WWOX: variants seen among roughly 807,000 people sequenced by gnomAD.
WWOX encodes the protein WW domain-containing oxidoreductase.
WWOX carries 69 observed loss-of-function variants against 46.2 expected under a neutral mutation model. The ratio of observed to expected loss-of-function variants is 1.49; its 90% confidence interval spans 1.23 to 1.82. The LOEUF is 1.82. Ranked by LOEUF, WWOX falls within the 40% of genes most tolerant of loss-of-function variation. WWOX has a pLI of 0.00. For missense variants in WWOX, 919 were observed against 542.6 expected, an observed-to-expected ratio of 1.69 and a Z score of -6.89; for synonymous variants, 359 against 202.6, an observed-to-expected ratio of 1.77 and a Z score of -6.56.
At chr16:78,797,016 G>C (rs1392559027) in intron 8 of WWOX, among the ~76,000 whole-genome samples, 3 of 151,804 alleles carry the variant, frequency 2.0e-5, no homozygotes, top group Non-Finnish European at 2.9e-5. Context: ...AGTAGTGCCG[G>C]GGTTTCACCA....
intron 8 of WWOX, among the ~76,000 whole-genome samples, chr16:79,130,458 C>T (rs2049853473): frequency 6.6e-6 from 1 of 152,036 alleles, no homozygotes; most frequent in Non-Finnish European, 1.5e-5. Flanking sequence ...TACGTAAAAA[C>T]AGGGTTAGTA....
chr16:78,362,410 G>A (rs949934642), intron 5 of WWOX, among the ~76,000 whole-genome samples: 3 of 152,164 alleles, frequency 2.0e-5, no homozygotes, highest in African/African-American at 7.2e-5. Flanking sequence ...AGGAGTTCAA[G>A]ACCAGCCTCA....
chr16:79,079,411 T>A (rs147475658), intron 8 of WWOX, among the ~76,000 whole-genome samples: 2 of 152,338 alleles, frequency 1.3e-5, no homozygotes, highest in African/African-American at 4.8e-5. Context: ...CCGGTATCCA[T>A]TCATCCATCC....
At chr16:78,951,381 A>C (rs1419207348) in intron 8 of WWOX, among the ~76,000 whole-genome samples, 2 of 152,144 alleles carry the variant, frequency 1.3e-5, no homozygotes, top group Non-Finnish European at 2.9e-5. Flanking sequence ...ATTGGCCCTC[A>C]GTGGGTCACA....
At position 78,578,669 on chromosome 16, in the gene WWOX, A is replaced by T. The variant is rs535942773; in HGVS notation, c.1056+145917A>T. 1.6e-3 allele frequency among the ~76,000 whole-genome samples: 242 copies of T among 152,316 alleles called. 1 individual carries two copies. Among genetic ancestry groups the T allele is most frequent in the African/African-American group, 5.4e-3 (224 of 41,566 alleles). ...ACAGATACATAGGCAGTTGTTATGC[A>T]GTGTTTGAAATAAATTTATTGCCAG... is the stretch of plus-strand genomic sequence containing the variant. On this transcript the variant is annotated intron_variant, in intron 8 of 8. Transcript: ENST00000566780.
intron 8 of WWOX, among the ~76,000 whole-genome samples, chr16:79,048,961 A>G (rs921552666): frequency 6.6e-6 from 1 of 152,142 alleles, no homozygotes; most frequent in Non-Finnish European, 1.5e-5. Context: ...TGTCCACTGG[A>G]GTCATGATTC....
At chr16:78,912,030 C>G (rs1016219770) in intron 8 of WWOX, among the ~76,000 whole-genome samples, 2 of 152,000 alleles carry the variant, frequency 1.3e-5, no homozygotes, top group African/African-American at 2.4e-5. Flanking sequence ...ATATTGGCCT[C>G]CAGGGCAAAG....
At chr16:78,334,233 T>G (rs1338971931) in intron 5 of WWOX, among the ~76,000 whole-genome samples, 1 of 152,200 alleles carries the variant, frequency 6.6e-6, no homozygotes. Context: ...AAACTGCGGC[T>G]CGTACAAAAT....
At chr16:78,481,748 T>A (rs923060219) in intron 8 of WWOX, among the ~76,000 whole-genome samples, 15 of 150,472 alleles carry the variant, frequency 1.0e-4, no homozygotes, top group African/African-American at 3.7e-4. Flanking sequence ...TGTGTGTGTG[T>A]GTGTGTGTGT....
chr16:79,018,030 C>A (rs1466454425), intron 8 of WWOX, among the ~76,000 whole-genome samples: 1 of 152,208 alleles, frequency 6.6e-6, no homozygotes, highest in Non-Finnish European at 1.5e-5. Flanking sequence ...CTTGGAGTTT[C>A]CTGGTAGTCA....
chr16:79,083,758 C>T (rs2048804716), intron 8 of WWOX, among the ~76,000 whole-genome samples: 1 of 152,180 alleles, frequency 6.6e-6, no homozygotes, highest in Non-Finnish European at 1.5e-5. Context: ...ACAAAGGGAG[C>T]CGTGTGGAGC....
At chr16:78,435,323 G>A (rs1411625178) in intron 8 of WWOX, among the ~76,000 whole-genome samples, 1 of 152,162 alleles carries the variant, frequency 6.6e-6, no homozygotes, top group East Asian at 1.9e-4. Flanking sequence ...CCACCAGTGT[G>A]CAGCAGCCTC....
rs1032756280 is a variant in WWOX, at chr16:79,211,952, C to A, written c.*156C>A. On this transcript the variant is annotated 3_prime_UTR_variant, in exon 9 of 9. Transcript: ENST00000566780. ...CAACAGAGTGAAAAATCTTAAGTAC[C>A]AATGGGAAGCAGGGAATTCCTGGGG... is the stretch of plus-strand genomic sequence containing the variant. The A allele has an allele frequency of 1.6e-5, 25 of 1,536,352 alleles. No homozygotes were observed. In the African/African-American group the frequency reaches 3.0e-4, roughly 19 times the overall value.
chr16:78,555,417 C>A (rs562595455), intron 8 of WWOX, among the ~76,000 whole-genome samples: 2 of 152,058 alleles, frequency 1.3e-5, no homozygotes, highest in South Asian at 4.2e-4. Flanking sequence ...TACAGAGCTG[C>A]AGCTTTGGAC....
At chr16:78,311,283 G>C (rs1018037762) in intron 5 of WWOX, among the ~76,000 whole-genome samples, 1 of 152,134 alleles carries the variant, frequency 6.6e-6, no homozygotes, top group African/African-American at 2.4e-5. Context: ...GTAATCCAAG[G>C]CCTGATGTAT....
chr16:78,848,328 CA>C lies in WWOX; in HGVS notation c.1057-363279del, dbSNP rs1211076272. ...AAAATCTTCAAGTCATATTTGCCCC[CA>C]CAGACCTTCCCAGACAGTCTAACTA... is the stretch of plus-strand genomic sequence containing the variant. On this transcript the variant is annotated intron_variant, in intron 8 of 8. Transcript: ENST00000566780. 7.9e-5 allele frequency among the ~76,000 whole-genome samples: 12 copies of C among 152,292 alleles called. No individual in the cohort carries two copies. In the East Asian group the frequency reaches 2.1e-3, roughly 27 times the overall value.
chr16:78,832,234 G>A (rs1331687536), intron 8 of WWOX, among the ~76,000 whole-genome samples: 1 of 152,164 alleles, frequency 6.6e-6, no homozygotes, highest in Non-Finnish European at 1.5e-5. Flanking sequence ...TTAGCAGGAG[G>A]CCTCAGTTCT....
chr16:78,940,279 G>A (rs1597180278), intron 8 of WWOX, among the ~76,000 whole-genome samples: 1 of 152,096 alleles, frequency 6.6e-6, no homozygotes, highest in African/African-American at 2.4e-5. Flanking sequence ...TAACCTCTGT[G>A]GTATTTGTTT....
Position 78,823,124 on chromosome 16 carries a change from T to C in WWOX, c.1057-388484T>C, listed in dbSNP as rs77198481. Reference sequence around the variant, plus strand: ...TCTCAAATTAAATCTTAAATTGAGCTTGTGGTTCTGTGAATTAATACTCCG... The same window carrying C: ...TCTCAAATTAAATCTTAAATTGAGCCTGTGGTTCTGTGAATTAATACTCCG... On this transcript the variant is annotated intron_variant, in intron 8 of 8. Transcript: ENST00000566780. Among the ~76,000 whole-genome samples the C allele has an allele frequency of 6.7e-3, 1,021 of 152,330 alleles. 5 individuals carry two copies. Among genetic ancestry groups the C allele is most frequent in the African/African-American group, 0.023 (962 of 41,570 alleles).
Sources: allele counts gnomAD v4.1 joint callset (sites outside exome capture counted in the v4.1 genomes callset), GRCh38; gene constraint gnomAD v4.1.1; transcripts MANE v1.5; gene names NCBI Gene and HGNC (gene_info 2026-07-23, HGNC 2026-07-21).